CREBBP: variants seen among roughly 807,000 people sequenced by gnomAD.
CREBBP encodes the protein CREB binding lysine acetyltransferase, also known as CREB-binding protein.
Under a neutral mutation model 265.0 loss-of-function variants are expected in CREBBP, and 19 were observed. The ratio of observed to expected loss-of-function variants is 0.07; its 90% CI spans 0.05 to 0.11. The LOEUF is 0.11. Among genes scored for constraint, CREBBP ranks in the 10% least tolerant of loss-of-function variants. The pLI is 1.00. For synonymous variants in CREBBP, 1,457 were observed against 1,223.7 expected (o/e 1.19, Z -3.98); for missense variants, 2,525 against 3,219.0 (o/e 0.78, Z 5.22).
Position 3,728,289 on chromosome 16 carries a change from TGCTGCTGCATGC to T in CREBBP, c.6746_6757del (p.Arg2249_Gln2252del). 1 of 1,612,034 alleles carries T rather than the reference TGCTGCTGCATGC, an allele frequency of 6.2e-7. No individual in the cohort carries two copies. The highest frequency in any genetic ancestry group is 8.5e-7 in the Non-Finnish European group (1 of 1,179,530). On this transcript the variant is annotated inframe_deletion, in exon 31 of 31. Coordinates refer to ENST00000262367, the MANE Select transcript of CREBBP (RefSeq NM_004380.3). The surrounding 1 kb of genome is among the most constrained non-coding windows in gnomAD (Gnocchi z 8.7). ...CATGGAGCTGCCCTGGAGGGGGAGA[TGCTGCTGCATGC>T]GCTGCTGCTGCTGCATGGCCGGTGG...
chr16:3,774,294 A>G (rs2053084494), intron 12 of CREBBP, among the ~76,000 whole-genome samples: 1 of 152,194 alleles, frequency 6.6e-6, no homozygotes, highest in Non-Finnish European at 1.5e-5. Flanking sequence ...CCTGCTGGCC[A>G]CATATCTGAG....
chr16:3,841,673 A>G (rs2054569361), intron 2 of CREBBP, among the ~76,000 whole-genome samples: 1 of 152,094 alleles, frequency 6.6e-6, no homozygotes, highest in African/African-American at 2.4e-5. Flanking sequence ...GATTTCCAAT[A>G]ATCTACCCAA....
chr16:3,828,443 T>TCAGAA (rs1459708018), intron 2 of CREBBP, among the ~76,000 whole-genome samples: 1 of 152,204 alleles, frequency 6.6e-6, no homozygotes, highest in Non-Finnish European at 1.5e-5. Flanking sequence ...GAATTAGTAT[T>TCAGAA]TCAGATTAAG....
At chr16:3,767,993 A>G in intron 15 of CREBBP, 84 bp from the exon 16 acceptor site, 2 of 1,351,416 alleles carry the variant, frequency 1.5e-6, no homozygotes, top group Non-Finnish European at 2.1e-6. Context: ...TTACAAGCCT[A>G]AAACAGGTTT....
chr16:3,802,313 G>A (rs2053733757), intron 3 of CREBBP, among the ~76,000 whole-genome samples: 1 of 151,420 alleles, frequency 6.6e-6, no homozygotes, highest in Non-Finnish European at 1.5e-5. Context: ...TGTATTTTTA[G>A]TAGAGACGGG....
intron 1 of CREBBP, among the ~76,000 whole-genome samples, chr16:3,876,642 G>C (rs1312203121): frequency 2.0e-5 from 3 of 152,136 alleles, no homozygotes; most frequent in Non-Finnish European, 4.4e-5. Flanking sequence ...CCTCATGTAT[G>C]AGAAAGTGTA....
intron 1 of CREBBP, among the ~76,000 whole-genome samples, chr16:3,862,047 C>G (rs1245708645): frequency 6.6e-6 from 1 of 152,132 alleles, no homozygotes; most frequent in South Asian, 2.1e-4. Context: ...GGTGCAGGAC[C>G]GGCTGGGTTT....
intron 8 of CREBBP, among the ~76,000 whole-genome samples, chr16:3,779,560 A>C (rs540936733): frequency 6.6e-6 from 1 of 152,288 alleles, no homozygotes; most frequent in East Asian, 1.9e-4. Flanking sequence ...GAGAAATGCC[A>C]AGCCTCTCTT....
chr16:3,763,612 C>T (rs1192400609), intron 16 of CREBBP, among the ~76,000 whole-genome samples: 2 of 151,346 alleles, frequency 1.3e-5, no homozygotes, highest in Non-Finnish European at 2.9e-5. Flanking sequence ...TACAGGCATG[C>T]GCCACCAGGC....
intron 3 of CREBBP, among the ~76,000 whole-genome samples, chr16:3,809,427 C>G (rs990224771): frequency 2.0e-5 from 3 of 152,322 alleles, no homozygotes; most frequent in Non-Finnish European, 4.4e-5. Flanking sequence ...CCACCCGCCT[C>G]AGCCTCCCAA....
rs1200989578 is a variant in CREBBP, at chr16:3,731,933, C to G, written c.4733G>C (p.Ser1578Thr). The G allele has an allele frequency of 6.2e-7, 1 of 1,614,244 alleles. No individual in the cohort carries two copies. The highest frequency in any genetic ancestry group is 1.7e-5 in the Admixed American group (1 of 60,034). ...STAASETTEG[S>T]QGDSKNAKKK... ...CTTGGCATTCTTGCTGTCGCCCTGA[C>G]TGCCCTGCAACAACACGCAAGGCTG... Residue 1578 changes from serine (S) to threonine (T), a missense_variant, in exon 29 of 31, where the codon AGT (serine) becomes ACT (threonine). This residue lies in a region of CREBBP where 93 missense variants were observed against 161.5 expected (regional missense o/e 0.58). Transcript: ENST00000262367. This position sits in a 1 kb window ranked among gnomAD's most constrained non-coding sequence, Gnocchi z 7.7.
Position 3,849,429 on chromosome 16 carries a change from GTGT to G in CREBBP, c.798+865_798+867del, listed in dbSNP as rs2054750960. ...TGTGTGTGTGTGTGTGTGTGTGTGT[GTGT>G]GTGTGTGTGTGTGTGTGTGTGTGTG... On this transcript the variant is annotated intron_variant, in intron 2 of 30. Coordinates refer to ENST00000262367, the MANE Select transcript of CREBBP (RefSeq NM_004380.3). Among the ~76,000 whole-genome samples the G allele has an allele frequency of 1.9e-3, 25 of 12,828 alleles. 1 individual carries two copies. Among genetic ancestry groups the G allele is most frequent in the South Asian group, 0.01 (3 of 288 alleles). The allele number at this position is 12,828 out of a possible 152,430, so 8.4% of individuals were successfully genotyped here.
At chr16:3,833,564 A>G (rs1481466170) in intron 2 of CREBBP, among the ~76,000 whole-genome samples, 1 of 152,248 alleles carries the variant, frequency 6.6e-6, no homozygotes, top group East Asian at 1.9e-4. Flanking sequence ...ATTCTAAGAC[A>G]TCTTATAGAA....
At chr16:3,802,574 C>A (rs1365926490) in intron 3 of CREBBP, among the ~76,000 whole-genome samples, 1 of 152,126 alleles carries the variant, frequency 6.6e-6, no homozygotes, top group Non-Finnish European at 1.5e-5. Context: ...GATGTGCATA[C>A]AGAATGTGGA....
intron 28 of CREBBP, among the ~76,000 whole-genome samples, chr16:3,732,262 G>T (rs1330998096): frequency 6.6e-6 from 1 of 152,240 alleles, no homozygotes; most frequent in Non-Finnish European, 1.5e-5. Context: ...AGATGCGGAA[G>T]ATTCCACGTC....
At position 3,744,352 on chromosome 16, in the gene CREBBP, G is replaced by A. The variant is rs1041245993; in HGVS notation, c.3982+542C>T. On this transcript the variant is annotated intron_variant, in intron 23 of 30. Transcript: ENST00000262367. ...GGCCAACATTACACCACACATGCAC[G>A]CACGAGGGGTGAGGGGTCTTAGGTC... 3.5e-4 allele frequency among the ~76,000 whole-genome samples: 53 copies of A among 152,212 alleles called. 1 individual carries two copies. The highest frequency in any genetic ancestry group is 5.1e-4 in the Non-Finnish European group (35 of 68,042).
At chr16:3,789,513 C>T (rs1470155193) in intron 5 of CREBBP, among the ~76,000 whole-genome samples, 1 of 152,118 alleles carries the variant, frequency 6.6e-6, no homozygotes. Context: ...GGGAGGTCAC[C>T]CTTACGTTAT....
intron 3 of CREBBP, among the ~76,000 whole-genome samples, chr16:3,805,438 G>C (rs1007784755): frequency 2.6e-5 from 4 of 152,234 alleles, no homozygotes; most frequent in African/African-American, 9.6e-5. Context: ...TAGACAAGCA[G>C]TGATTTTACA....
chr16:3,740,438 G>A lies in CREBBP; in HGVS notation c.4094C>T (p.Ser1365Leu), dbSNP rs2151340158. 6.2e-7 allele frequency: 1 copy of A among 1,614,176 alleles called. No individual in the cohort carries two copies. The highest frequency in any genetic ancestry group is 8.5e-7 in the Non-Finnish European group (1 of 1,180,040). The change falls in exon 24 of 31, where the codon TCA (serine) becomes TTA (leucine). Residue 1365 changes from serine (S) to leucine (L), a missense_variant. By Grantham distance (145) the Ser-to-Leu change is moderately radical. Transcript: ENST00000262367. Reference protein sequence around the residue: ...GEVFVRVVASSDKTVEVKPGM... With the variant: ...GEVFVRVVASLDKTVEVKPGM... Reference sequence around the variant, plus strand: ...GGGCTTGACCTCCACCGTCTTGTCTGAGCTGGCCACCACTCGGACAAAAAC... The same window carrying A: ...GGGCTTGACCTCCACCGTCTTGTCTAAGCTGGCCACCACTCGGACAAAAAC...
Sources: allele counts gnomAD v4.1 joint callset (sites outside exome capture counted in the v4.1 genomes callset), GRCh38; gene constraint gnomAD v4.1.1; regional missense constraint gnomAD v4.1.1; non-coding constraint Gnocchi (gnomAD v3.1); transcripts MANE v1.5; gene names NCBI Gene and HGNC (gene_info 2026-07-23, HGNC 2026-07-21).